BICD2: variants seen among roughly 807,000 people sequenced by gnomAD.
The protein encoded by BICD2 is BICD cargo adaptor 2, also known as protein bicaudal D homolog 2.
In BICD2, 25 loss-of-function variants were observed where a neutral mutation model predicts 72.9. The ratio of observed to expected loss-of-function variants is 0.34; its 90% CI spans 0.25 to 0.48. The LOEUF (loss-of-function observed/expected upper bound fraction) is 0.48, where lower values mean the gene tolerates loss of function less well. Ranked by LOEUF, BICD2 falls within the 20% of genes least tolerant of loss-of-function variation. BICD2 has a pLI of 0.99. For missense variants in BICD2, 894 were observed against 1,175.2 expected, an observed-to-expected ratio of 0.76 and a Z score of 3.50; for synonymous variants, 501 against 516.1, an observed-to-expected ratio of 0.97 and a Z score of 0.40.
intron 3 of BICD2, among the ~76,000 whole-genome samples, chr9:92,722,255 C>T (rs375514659): frequency 2.6e-5 from 4 of 152,118 alleles, no homozygotes; most frequent in South Asian, 2.1e-4. Flanking sequence ...TGTTCATCCC[C>T]GTCACAGACA....
chr9:92,718,446 G>C, intron 5 of BICD2, 93 bp downstream of exon 5: 5 of 1,471,184 alleles, frequency 3.4e-6, no homozygotes, highest in Non-Finnish European at 4.5e-6. Flanking sequence ...CAGGCCTGGG[G>C]GGGCCCCGTG....
rs1853235550 is a variant in BICD2, at chr9:92,713,541, T to G, written c.*1613A>C. ...TATCTGACAATTGAAGCTCTCCACG[T>G]GCTGGGAGGGCGCGAGCACGTTAGT... On this transcript the variant is annotated 3_prime_UTR_variant, in exon 7 of 7. Transcript: ENST00000356884. 3 of 1,554,550 alleles carry G rather than the reference T, an allele frequency of 1.9e-6. No homozygotes were observed. In the East Asian group the frequency reaches 7.2e-5, roughly 37 times the overall value.
In BICD2 at chr9:92,718,964, G is replaced by A; in HGVS notation, c.1681C>T (p.Gln561Ter). Residue 561 changes from glutamine to a stop codon, truncating the protein, a stop_gained, in exon 5 of 7, where the codon CAG (glutamine) becomes TAG (stop). Coordinates refer to ENST00000356884, the MANE Select transcript of BICD2 (RefSeq NM_001003800.2). LOFTEE classifies it high-confidence loss of function. ...GGACTGGTGCGGCCGGCCCCGCCCT[G>A]GCCCTCGCGGTAGTAGTCCAGCATG... ...RVMLDYYREG[Q>*]GGAGRTSPGG... is the part of the protein sequence containing the mutation. 1 of 1,610,310 alleles carries A rather than the reference G, an allele frequency of 6.2e-7. No homozygotes were observed. Among genetic ancestry groups the A allele is most frequent in the Non-Finnish European group, 8.5e-7 (1 of 1,179,844 alleles).
chr9:92,746,532 CAAAAA>C (rs60146380), intron 1 of BICD2, among the ~76,000 whole-genome samples: 1 of 101,692 alleles, frequency 9.8e-6, no homozygotes, highest in Non-Finnish European at 2.0e-5. Flanking sequence ...ACTCCGTCTC[CAAAAA>C]AAAAAAAAAA....
At chr9:92,756,275 T>G (rs1037898798) in intron 1 of BICD2, among the ~76,000 whole-genome samples, 1 of 145,716 alleles carries the variant, frequency 6.9e-6, no homozygotes, top group Non-Finnish European at 1.5e-5. Context: ...TTTTTTTTTT[T>G]GTCTGAGACG....
chr9:92,736,068 A>G (rs1180497985), intron 1 of BICD2, among the ~76,000 whole-genome samples: 1 of 152,256 alleles, frequency 6.6e-6, no homozygotes, highest in Non-Finnish European at 1.5e-5. Flanking sequence ...AATGAGGCTG[A>G]GATCTACTGG....
At chr9:92,756,905 A>C (rs1854270655) in intron 1 of BICD2, among the ~76,000 whole-genome samples, 1 of 151,676 alleles carries the variant, frequency 6.6e-6, no homozygotes, top group African/African-American at 2.4e-5. Flanking sequence ...AGACAAGAGT[A>C]AGGTGTCTGG....
chr9:92,714,613 A>C lies in BICD2; in HGVS notation c.*541T>G. On this transcript the variant is annotated 3_prime_UTR_variant, in exon 7 of 7. Transcript: ENST00000356884. Reference sequence around the variant, plus strand: ...ATTCTGCACTTCTTTCCTGAATATGATTTGCAGTCAGATACTGCATAAACT... The same window carrying C: ...ATTCTGCACTTCTTTCCTGAATATGCTTTGCAGTCAGATACTGCATAAACT... The C allele has an allele frequency of 2.0e-6, 2 of 985,664 alleles. No individual in the cohort carries two copies. The highest frequency in any genetic ancestry group is 2.4e-6 in the Non-Finnish European group (2 of 830,112). The allele number at this position is 985,664 out of a possible 1,614,324, so 61.1% of individuals were successfully genotyped here.
Position 92,720,440 on chromosome 9 carries a change from G to C in BICD2, c.922C>G (p.Leu308Val). The change falls in exon 4 of 7, where the codon CTG becomes GTG. Residue 308 changes from leucine (L) to valine (V), a missense_variant. By Grantham distance (32) the Leu-to-Val change is conservative. This residue lies in a region of BICD2 where 371 missense variants were observed against 439.1 expected (regional missense o/e 0.84). Transcript: ENST00000356884. The surrounding 1 kb of genome is among the most constrained non-coding windows in gnomAD (Gnocchi z 5.4). ...TTGTTGTCCAGTGGCAGCTTGGCCA[G>C]GCCGCCGTGCTCAAAGCCATTGACC... ...ALVNGFEHGGLAKLPLDNKTS... is the reference protein window; with the variant it reads ...ALVNGFEHGGVAKLPLDNKTS... 6.2e-7 allele frequency: 1 copy of C among 1,614,196 alleles called. No individual in the cohort carries two copies. The highest frequency in any genetic ancestry group is 1.6e-4 in the Middle Eastern group (1 of 6,062).
chr9:92,729,516 G>A (rs1853638135), intron 1 of BICD2, among the ~76,000 whole-genome samples: 1 of 152,274 alleles, frequency 6.6e-6, no homozygotes, highest in Non-Finnish European at 1.5e-5. Context: ...CAAGACAAGT[G>A]CTGGAGTCAG....
chr9:92,763,709 C>CG (rs1854419288), intron 1 of BICD2, among the ~76,000 whole-genome samples: 1 of 149,586 alleles, frequency 6.7e-6, no homozygotes, highest in African/African-American at 2.4e-5. Flanking sequence ...ACCTACTCTC[C>CG]CCCCAGTGGG....
At chr9:92,723,914 G>A (rs1350682525) in intron 2 of BICD2, among the ~76,000 whole-genome samples, 1 of 152,100 alleles carries the variant, frequency 6.6e-6, no homozygotes, top group Non-Finnish European at 1.5e-5. Context: ...GTGGGAGCCG[G>A]CCTGTACATC....
At chr9:92,758,551 C>CAG (rs1854309674) in intron 1 of BICD2, among the ~76,000 whole-genome samples, 1 of 95,698 alleles carries the variant, frequency 1.0e-5, no homozygotes, top group African/African-American at 4.4e-5. Flanking sequence ...GACTCCGTCT[C>CAG]AAAAAAAAAA....
chr9:92,762,872 CAGAT>C (rs1382794254), intron 1 of BICD2, among the ~76,000 whole-genome samples: 1 of 152,156 alleles, frequency 6.6e-6, no homozygotes, highest in East Asian at 1.9e-4. Context: ...AGCGCCCTAA[CAGAT>C]AGTGCTGCCT....
chr9:92,739,486 G>A (rs1393223586), intron 1 of BICD2, among the ~76,000 whole-genome samples: 1 of 152,194 alleles, frequency 6.6e-6, no homozygotes, highest in East Asian at 1.9e-4. Context: ...TGAGGAGCCC[G>A]TGAAGGCTCG....
chr9:92,748,330 C>T (rs1341286333), intron 1 of BICD2, among the ~76,000 whole-genome samples: 2 of 152,170 alleles, frequency 1.3e-5, no homozygotes, highest in Non-Finnish European at 2.9e-5. Context: ...GGATTCAAAC[C>T]CCCGGGTGTA....
chr9:92,720,740 G>A lies in BICD2; in HGVS notation c.622C>T (p.Leu208Phe). ...TCCAGACGCTTGATCTCATGCTTGAGGCCCTCAAACTCCACCTGGGAAGAG... is the reference window on the plus strand; with the variant it reads ...TCCAGACGCTTGATCTCATGCTTGAAGCCCTCAAACTCCACCTGGGAAGAG... The part of the protein sequence containing the change: ...LRQNQVEFEG[L>F]KHEIKRLEEE... The change falls in exon 4 of 7, where the codon CTC (leucine) becomes TTC (phenylalanine). Residue 208 changes from leucine (L) to phenylalanine (F), a missense_variant. This residue lies in a region of BICD2 where 371 missense variants were observed against 439.1 expected (regional missense o/e 0.84). Transcript: ENST00000356884. The surrounding 1 kb of genome is among the most constrained non-coding windows in gnomAD (Gnocchi z 5.4). 6.2e-7 allele frequency: 1 copy of A among 1,613,740 alleles called. No homozygotes were observed. Among genetic ancestry groups the A allele is most frequent in the Admixed American group, 1.7e-5 (1 of 60,004 alleles).
rs1587664510 is a variant in BICD2, at chr9:92,713,252, G to A, written c.*1902C>T. ...CAGAGGCCTTTCCACGCAGCAGCTCGCAGCATGCTCAACATTAAAGCTTTT... is the reference window on the plus strand; with the variant it reads ...CAGAGGCCTTTCCACGCAGCAGCTCACAGCATGCTCAACATTAAAGCTTTT... On this transcript the variant is annotated 3_prime_UTR_variant, in exon 7 of 7. Coordinates refer to ENST00000356884, the MANE Select transcript of BICD2 (RefSeq NM_001003800.2). The A allele has an allele frequency of 2.1e-5, 13 of 626,202 alleles. No individual in the cohort carries two copies. Among genetic ancestry groups the A allele is most frequent in the Middle Eastern group, 4.3e-4 (1 of 2,310 alleles). The allele number at this position is 626,202 out of a possible 1,614,324, so 38.8% of individuals were successfully genotyped here. A position where few individuals can be genotyped will look rare whatever the true frequency, so the allele number is the denominator to read the frequency against.
chr9:92,741,620 G>A (rs181781630), intron 1 of BICD2, among the ~76,000 whole-genome samples: 237 of 152,244 alleles, frequency 1.6e-3, no homozygotes, highest in Admixed American at 5.6e-3. Flanking sequence ...CATCAATAGA[G>A]TAAATCTTAC....
Sources: allele counts gnomAD v4.1 joint callset (sites outside exome capture counted in the v4.1 genomes callset), GRCh38; gene constraint gnomAD v4.1.1; regional missense constraint gnomAD v4.1.1; non-coding constraint Gnocchi (gnomAD v3.1); transcripts MANE v1.5; gene names NCBI Gene and HGNC (gene_info 2026-07-23, HGNC 2026-07-21).